BABAM2: variants seen among roughly 807,000 people sequenced by gnomAD.
BABAM2 encodes BRISC and BRCA1 A complex member 2.
Under a neutral mutation model 54.7 loss-of-function variants are expected in BABAM2, and 31 were observed. The observed-to-expected ratio is 0.57, with a 90% confidence interval of 0.43 to 0.77. The LOEUF (loss-of-function observed/expected upper bound fraction) is 0.77. Among genes scored for constraint, BABAM2 ranks in the 30% least tolerant of loss-of-function variants. The pLI is 0.00. For synonymous variants in BABAM2, 167 were observed against 162.9 expected, an observed-to-expected ratio of 1.03 and a Z score of -0.19; for missense variants, 364 against 455.8, an observed-to-expected ratio of 0.80 and a Z score of 1.83.
At chr2:28,091,271 G>A (rs2148691675) in intron 6 of BABAM2, among the ~76,000 whole-genome samples, 1 of 152,286 alleles carries the variant, frequency 6.6e-6, no homozygotes, top group East Asian at 1.9e-4. Flanking sequence ...CTTTAATAGA[G>A]AGTCTTTTAA....
upstream of BABAM2, among the ~76,000 whole-genome samples, chr2:27,889,109 A>G (rs1271054383): frequency 6.6e-6 from 1 of 152,226 alleles, no homozygotes; most frequent in African/African-American, 2.4e-5. Context: ...AACTGCCTCT[A>G]GCAGTCTCTT....
intron 3 of BABAM2, among the ~76,000 whole-genome samples, chr2:27,944,411 C>G (rs1016826755): frequency 2.0e-5 from 3 of 152,180 alleles, no homozygotes; most frequent in Non-Finnish European, 4.4e-5. Flanking sequence ...CCTCTTAACC[C>G]TGAGCCTTTT....
At chr2:28,190,857 A>G (rs954137994) in intron 7 of BABAM2, among the ~76,000 whole-genome samples, 1 of 152,252 alleles carries the variant, frequency 6.6e-6, no homozygotes, top group Non-Finnish European at 1.5e-5. Context: ...ACAAACATCT[A>G]GAAGAGAACA....
chr2:28,078,537 T>C (rs1381363339), intron 6 of BABAM2, among the ~76,000 whole-genome samples: 1 of 152,260 alleles, frequency 6.6e-6, no homozygotes, highest in East Asian at 1.9e-4. Flanking sequence ...ATTTTTTGCA[T>C]AGTATATAGG....
chr2:28,207,258 C>T (rs996118759), intron 7 of BABAM2, among the ~76,000 whole-genome samples: 1 of 151,960 alleles, frequency 6.6e-6, no homozygotes, highest in Non-Finnish European at 1.5e-5. Context: ...AATCCCAGCA[C>T]TTTGGGAGGC....
intron 7 of BABAM2, among the ~76,000 whole-genome samples, chr2:28,226,776 G>T (rs1471138289): frequency 6.6e-6 from 1 of 152,096 alleles, no homozygotes; most frequent in Non-Finnish European, 1.5e-5. Flanking sequence ...GTGCCCTGAG[G>T]TGAAATTGCC....
At chr2:28,226,508 TGGA>T (rs1558452223) in intron 7 of BABAM2, among the ~76,000 whole-genome samples, 2 of 152,186 alleles carry the variant, frequency 1.3e-5, no homozygotes, top group South Asian at 2.1e-4. Flanking sequence ...ATCCTCATTC[TGGA>T]GGAGATTATA....
intron 7 of BABAM2, among the ~76,000 whole-genome samples, chr2:28,174,729 A>G (rs1674732294): frequency 6.6e-6 from 1 of 152,146 alleles, no homozygotes; most frequent in South Asian, 2.1e-4. Flanking sequence ...CAAGGAGGGA[A>G]CTCACACTGG....
intron 7 of BABAM2, among the ~76,000 whole-genome samples, chr2:28,216,986 C>A (rs1425451324): frequency 1.3e-5 from 2 of 152,168 alleles, no homozygotes; most frequent in African/African-American, 4.8e-5. Context: ...ACATGTTTGG[C>A]TCCACTTTAT....
intron 6 of BABAM2, among the ~76,000 whole-genome samples, chr2:28,074,719 G>C (rs2148663397): frequency 6.6e-6 from 1 of 152,028 alleles, no homozygotes; most frequent in Admixed American, 6.5e-5. Flanking sequence ...GTGAGGGGAG[G>C]TGAAAAGCGT....
chr2:27,897,514 G>A (rs556158859), intron 2 of BABAM2, among the ~76,000 whole-genome samples: 2 of 152,138 alleles, frequency 1.3e-5, no homozygotes, highest in Admixed American at 1.3e-4. Context: ...AACTCTGGTG[G>A]AGTTGATCAG....
chr2:27,946,780 T>C (rs1248582850), intron 3 of BABAM2, among the ~76,000 whole-genome samples: 1 of 152,184 alleles, frequency 6.6e-6, no homozygotes, highest in Non-Finnish European at 1.5e-5. Context: ...TTAACAGATA[T>C]AGGGCTAACA....
intron 2 of BABAM2, 105 bp downstream of exon 2, chr2:27,894,789 C>G (rs886235471): frequency 2.2e-6 from 3 of 1,348,410 alleles, no homozygotes; most frequent in Non-Finnish European, 3.1e-6. Context: ...CCACAGAAAC[C>G]CACCAAGTCA....
intron 11 of BABAM2, chr2:28,327,179 T>G (rs1572425190): frequency 7.5e-7 from 1 of 1,327,240 alleles, no homozygotes. Flanking sequence ...CCATGGCCGG[T>G]GGAGGCTCAG....
chr2:27,890,416 C>A, upstream of BABAM2: 1 of 1,432,372 alleles, frequency 7.0e-7, no homozygotes, highest in East Asian at 2.5e-5. This position sits in a 1 kb window ranked among gnomAD's most constrained non-coding sequence, Gnocchi z 4.8. Flanking sequence ...ACCAGAGACG[C>A]CACTCCTGCC....
At chr2:28,026,896 A>AATATATATAAATATATATATT (rs1675823188) in intron 5 of BABAM2, among the ~76,000 whole-genome samples, 1 of 27,118 alleles carries the variant, frequency 3.7e-5, no homozygotes, top group Non-Finnish European at 9.4e-5. Flanking sequence ...AGATATATAT[A>AATATATATAAATATATATATT]AATATATATA....
intron 7 of BABAM2, among the ~76,000 whole-genome samples, chr2:28,184,757 A>G (rs941269623): frequency 1.3e-5 from 2 of 152,090 alleles, no homozygotes; most frequent in African/African-American, 2.4e-5. Context: ...AGTCTTTGCT[A>G]TTGTGAATAG....
intron 3 of BABAM2, among the ~76,000 whole-genome samples, chr2:27,967,819 C>T (rs543458247): frequency 5.0e-4 from 76 of 152,286 alleles, no homozygotes; most frequent in African/African-American, 1.5e-3. Flanking sequence ...AAGAGATTGG[C>T]GGCATTTTGC....
intron 10 of BABAM2, among the ~76,000 whole-genome samples, chr2:28,255,737 C>T (rs930769673): frequency 4.6e-5 from 7 of 152,170 alleles, no homozygotes; most frequent in Non-Finnish European, 5.9e-5. Flanking sequence ...GTGATCTTGG[C>T]TCACTGTAGC....
Sources: gnomAD v4.1 joint callset for allele counts (sites outside exome capture counted in the v4.1 genomes callset) on GRCh38, gnomAD v4.1.1 for gene constraint, Gnocchi (gnomAD v3.1) non-coding constraint, MANE v1.5 for transcripts, NCBI Gene and HGNC (gene_info 2026-07-23, HGNC 2026-07-21) for gene names.